Variants in NSL1 observed in about 807,000 individuals in gnomAD.
NSL1 encodes NSL1 component of MIS12 kinetochore complex.
In NSL1, 11 loss-of-function variants were observed where a neutral mutation model predicts 25.4. The ratio of observed to expected loss-of-function variants is 0.43; its 90% confidence interval spans 0.27 to 0.72. The LOEUF (loss-of-function observed/expected upper bound fraction) is 0.72. NSL1 is among the 30% of genes least tolerant of loss of function. The probability of loss-of-function intolerance (pLI) is 0.19; values close to 1 mark genes in which losing one functional copy is unlikely to be tolerated. For synonymous variants in NSL1, 118 were observed against 120.6 expected (o/e 0.98, Z 0.14); for missense variants, 330 against 342.7 (o/e 0.96, Z 0.29).
intron 1 of NSL1, among the ~76,000 whole-genome samples, chr1:212,788,630 C>G (rs1417785583): frequency 6.6e-6 from 1 of 151,904 alleles, no homozygotes; most frequent in African/African-American, 2.4e-5. Context: ...TTCCTATTAC[C>G]CAACAATTTC....
In NSL1 at chr1:212,731,635, T is replaced by C; in HGVS notation, c.*6773A>G. 1.1e-5 allele frequency: 11 copies of C among 985,440 alleles called. No homozygotes were observed. The highest frequency in any genetic ancestry group is 1.3e-5 in the Non-Finnish European group (11 of 829,918). The allele number at this position is 985,440 out of a possible 1,614,324, so 61.0% of individuals were successfully genotyped here. Reference sequence around the variant, plus strand: ...CACCTAAGTTCATCCACAGAGTTAATACTTCCCACTTCGTCAGCTCTTTAT... The same window carrying C: ...CACCTAAGTTCATCCACAGAGTTAACACTTCCCACTTCGTCAGCTCTTTAT... On this transcript the variant is annotated 3_prime_UTR_variant, in exon 6 of 6. Transcript: ENST00000366977.
intron 4 of NSL1, 193 bp downstream of exon 4, chr1:212,782,179 T>C: frequency 2.8e-6 from 2 of 703,350 alleles, no homozygotes; most frequent in South Asian, 3.0e-5. Flanking sequence ...GTAACACCCC[T>C]GGAATTCTGA....
intron 4 of NSL1, among the ~76,000 whole-genome samples, chr1:212,746,471 C>T (rs990827905): frequency 2.0e-5 from 3 of 151,942 alleles, no homozygotes; most frequent in Non-Finnish European, 4.4e-5. Flanking sequence ...AAAAAGAAGA[C>T]AGTAATGGAG....
chr1:212,738,764 T>A, intron 5 of NSL1, 78 bp from the exon 6 acceptor site: 1 of 1,175,304 alleles, frequency 8.5e-7, no homozygotes, highest in Admixed American at 2.8e-5. Flanking sequence ...TGCAGTACTC[T>A]AATTTTTTTT....
In NSL1 at chr1:212,737,885, T is replaced by G. The variant is rs1016175509; in HGVS notation, c.*523A>C. On this transcript the variant is annotated 3_prime_UTR_variant, in exon 6 of 6. Transcript: ENST00000366977. ...ATTAGCTGAACATGGAGTAACAAAG[T>G]CAAAGCCAGTATTATCATCAGCACA... 1.0e-6 allele frequency: 1 copy of G among 985,274 alleles called. No homozygotes were observed. The highest frequency in any genetic ancestry group is 1.7e-5 in the African/African-American group (1 of 57,202). The allele number at this position is 985,274 out of a possible 1,614,324, so 61.0% of individuals were successfully genotyped here. A position where few individuals can be genotyped will look rare whatever the true frequency, so the allele number is the denominator to read the frequency against.
chr1:212,773,593 A>G (rs1313679107), intron 4 of NSL1, among the ~76,000 whole-genome samples: 1 of 152,208 alleles, frequency 6.6e-6, no homozygotes, highest in Non-Finnish European at 1.5e-5. Flanking sequence ...GTCAGAATGT[A>G]AATTAGTATA....
At chr1:212,759,597 C>G (rs369128565) in intron 4 of NSL1, among the ~76,000 whole-genome samples, 12 of 152,034 alleles carry the variant, frequency 7.9e-5, no homozygotes, top group Admixed American at 2.0e-4. Flanking sequence ...TCACATACCC[C>G]CAAGGCCCAA....
chr1:212,728,667 C>T lies in NSL1; in HGVS notation c.*9741G>A. 1 of 985,426 alleles carries T rather than the reference C, an allele frequency of 1.0e-6. No individual in the cohort carries two copies. The highest frequency in any genetic ancestry group is 1.2e-6 in the Non-Finnish European group (1 of 829,928). The allele number at this position is 985,426 out of a possible 1,614,324, so 61.0% of individuals were successfully genotyped here. ...GTGAAGGGAACCACAGGCTTATCTGCACATCACTTATACCATTTGGTGAGA... is the reference window on the plus strand; with the variant it reads ...GTGAAGGGAACCACAGGCTTATCTGTACATCACTTATACCATTTGGTGAGA... On this transcript the variant is annotated 3_prime_UTR_variant, in exon 6 of 6. Coordinates refer to ENST00000366977, the MANE Select transcript of NSL1 (RefSeq NM_015471.4).
chr1:212,738,504 T>C lies in NSL1; in HGVS notation c.750A>G (p.Lys250=). The C allele has an allele frequency of 6.2e-7, 1 of 1,614,142 alleles. No individual in the cohort carries two copies. The highest frequency in any genetic ancestry group is 8.5e-7 in the Non-Finnish European group (1 of 1,180,014). The part of the protein sequence containing the change: ...ETTPTETASR[K]TSDMVLKRKQ... ...TTCTTTTCAGTACCATGTCAGAGGT[T>C]TTCCTGGAAGCAGTCTCTGTTGGTG... The change falls in exon 6 of 6, where the codon AAA becomes AAG. Residue 250 remains lysine, a synonymous_variant. Transcript: ENST00000366977.
rs1657870001 is a variant in NSL1 at position 212,728,277 on chromosome 1, CA to C, written c.*10130del. The C allele has an allele frequency of 3.1e-6, 3 of 974,636 alleles. No individual in the cohort carries two copies. Among genetic ancestry groups the C allele is most frequent in the Non-Finnish European group, 3.7e-6 (3 of 820,190 alleles). 60.4% of individuals were successfully genotyped at this position (974,636 alleles called of 1,614,324 possible). A position where few individuals can be genotyped will look rare whatever the true frequency, so the allele number is the denominator to read the frequency against. On this transcript the variant is annotated 3_prime_UTR_variant, in exon 6 of 6. Coordinates refer to ENST00000366977, the MANE Select transcript of NSL1 (RefSeq NM_015471.4). ...AAGTTGATAACATTATATATGTAAA[CA>C]TTTATTTAAAGTATTTTTGTACAAT... is the stretch of plus-strand genomic sequence containing the variant.
intron 4 of NSL1, among the ~76,000 whole-genome samples, chr1:212,770,611 A>C (rs1660057208): frequency 6.6e-6 from 1 of 152,218 alleles, no homozygotes; most frequent in Non-Finnish European, 1.5e-5. Context: ...AATTCTACCA[A>C]ACTTATAAAG....
chr1:212,788,392 C>G (rs1179641128), intron 1 of NSL1, among the ~76,000 whole-genome samples: 1 of 152,166 alleles, frequency 6.6e-6, no homozygotes, highest in African/African-American at 2.4e-5. Context: ...GCCTGGGAGA[C>G]AGAGGGAGAA....
intron 4 of NSL1, among the ~76,000 whole-genome samples, chr1:212,769,765 G>A (rs1402193584): frequency 1.3e-5 from 2 of 152,036 alleles, no homozygotes; most frequent in Non-Finnish European, 2.9e-5. Context: ...AAACCACAAT[G>A]ATAAACAATG....
At chr1:212,743,310 A>G (rs1039473000) in intron 4 of NSL1, among the ~76,000 whole-genome samples, 5 of 152,038 alleles carry the variant, frequency 3.3e-5, no homozygotes, top group Non-Finnish European at 7.4e-5. Context: ...GACTACAGGC[A>G]TGCACCACCA....
rs1440100907 is a variant in NSL1, at chr1:212,736,156, GC to G, written c.*2251del. The G allele has an allele frequency of 1.1e-5, 8 of 725,852 alleles. No individual in the cohort carries two copies. The highest frequency in any genetic ancestry group is 1.3e-5 in the Non-Finnish European group (8 of 592,998). The allele number at this position is 725,852 out of a possible 1,614,324, so 45.0% of individuals were successfully genotyped here. A position where few individuals can be genotyped will look rare whatever the true frequency, so the allele number is the denominator to read the frequency against. On this transcript the variant is annotated 3_prime_UTR_variant, in exon 6 of 6. Transcript: ENST00000366977. ...GGGCTCAAGTGATCCTCTCATTTCA[GC>G]CTCCTGGGTGGCTGGGACTACAGGT...
chr1:212,767,197 T>C (rs1466027550), intron 4 of NSL1, among the ~76,000 whole-genome samples: 3 of 152,148 alleles, frequency 2.0e-5, no homozygotes, highest in Non-Finnish European at 4.4e-5. Flanking sequence ...AACTATACTG[T>C]TAGGCCACAG....
chr1:212,784,095 T>C (rs13376390), intron 3 of NSL1: 34,707 of 204,706 alleles, frequency 0.17, 3,378 homozygotes, highest in African/African-American at 0.28. Flanking sequence ...ATTGTCAGTC[T>C]TCCATCACCA....
At chr1:212,741,542 C>T (rs943323106) in intron 4 of NSL1, among the ~76,000 whole-genome samples, 3 of 152,156 alleles carry the variant, frequency 2.0e-5, no homozygotes, top group African/African-American at 7.2e-5. Context: ...ACCCCCAAAA[C>T]AGCTTCTTCC....
rs1385797322 is a variant in NSL1 at position 212,737,796 on chromosome 1, C to T, written c.*612G>A. 3.5e-5 allele frequency: 34 copies of T among 985,214 alleles called. No homozygotes were observed. Among genetic ancestry groups the T allele is most frequent in the Non-Finnish European group, 4.0e-5 (33 of 829,886 alleles). The allele number at this position is 985,214 out of a possible 1,614,324, so 61.0% of individuals were successfully genotyped here. On this transcript the variant is annotated 3_prime_UTR_variant, in exon 6 of 6. Transcript: ENST00000366977. ...ATTTTTATTTCAAAGAGTAATGTTG[C>T]ACAAATAATAGTTATCATTGTCTTA...
Sources: allele counts gnomAD v4.1 joint callset (sites outside exome capture counted in the v4.1 genomes callset), GRCh38; gene constraint gnomAD v4.1.1; transcripts MANE v1.5; gene names NCBI Gene and HGNC (gene_info 2026-07-23, HGNC 2026-07-21).